HOMER2: variants seen among roughly 807,000 people sequenced by gnomAD.
The protein encoded by HOMER2 is homer scaffold protein 2.
Under a neutral mutation model 47.0 loss-of-function variants are expected in HOMER2, and 27 were observed. The observed-to-expected ratio is 0.57, with a 90% CI of 0.42 to 0.79. HOMER2 has a LOEUF of 0.79. Ranked by LOEUF, HOMER2 falls within the 30% of genes least tolerant of loss-of-function variation. The pLI is 0.00. For missense variants in HOMER2, 443 were observed against 435.0 expected (o/e 1.02, Z -0.16); for synonymous variants, 161 against 163.8 (o/e 0.98, Z 0.13).
intron 1 of HOMER2, among the ~76,000 whole-genome samples, chr15:82,951,242 G>A (rs1381882293): frequency 2.6e-5 from 4 of 152,012 alleles, no homozygotes; most frequent in African/African-American, 7.2e-5. Flanking sequence ...TGCTCATCTC[G>A]CCTCCTCCTC....
Position 82,849,661 on chromosome 15 carries a change from T to C in HOMER2, c.*54A>G. 2 of 1,499,146 alleles carry C rather than the reference T, an allele frequency of 1.3e-6. No homozygotes were observed. Among genetic ancestry groups the C allele is most frequent in the East Asian group, 2.3e-5 (1 of 42,812 alleles). 92.9% of individuals were successfully genotyped at this position (1,499,146 alleles called of 1,614,324 possible). On this transcript the variant is annotated 3_prime_UTR_variant, in exon 9 of 9. Transcript: ENST00000450735. Reference sequence around the variant, plus strand: ...CACAGAAGAACGTCCTAGAGCTATCTGGTCTCGCACACACGCTTGGGACTC... The same window carrying C: ...CACAGAAGAACGTCCTAGAGCTATCCGGTCTCGCACACACGCTTGGGACTC...
At chr15:82,973,152 C>T (rs1237360870) in intron 1 of HOMER2, among the ~76,000 whole-genome samples, 1 of 152,198 alleles carries the variant, frequency 6.6e-6, no homozygotes, top group Non-Finnish European at 1.5e-5. Context: ...AGCAAACAGA[C>T]CTTGCTTCAA....
exon 2 of HOMER2, chr15:82,842,295 T>C (rs2051183643): frequency 6.6e-6 from 1 of 151,866 alleles, no homozygotes; most frequent in African/African-American, 2.4e-5. Context: ...CAAACTTCTT[T>C]TGGAAGGTTT....
At chr15:82,909,314 G>T (rs576561760) in intron 1 of HOMER2, among the ~76,000 whole-genome samples, 5 of 152,288 alleles carry the variant, frequency 3.3e-5, no homozygotes, top group Admixed American at 1.3e-4. Context: ...GAGCACACTC[G>T]ACAAGGGAGG....
At chr15:82,897,778 GGAA>G (rs2052981644) in intron 1 of HOMER2, among the ~76,000 whole-genome samples, 1 of 152,178 alleles carries the variant, frequency 6.6e-6, no homozygotes, top group Admixed American at 6.5e-5. Flanking sequence ...TTGGAGGAAT[GGAA>G]ATTCAGCCAA....
chr15:82,979,202 T>C (rs1376715504), intron 1 of HOMER2, among the ~76,000 whole-genome samples: 1 of 152,162 alleles, frequency 6.6e-6, no homozygotes, highest in Non-Finnish European at 1.5e-5. Context: ...AATTACCTAG[T>C]CTTGGGTATA....
intron 2 of HOMER2, among the ~76,000 whole-genome samples, chr15:82,877,705 A>G (rs2052394574): frequency 1.3e-5 from 2 of 152,140 alleles, no homozygotes; most frequent in South Asian, 4.1e-4. Flanking sequence ...TCCTTTCTTT[A>G]TAATAACCCT....
chr15:82,915,659 C>T (rs2053571373), intron 1 of HOMER2, among the ~76,000 whole-genome samples: 1 of 152,194 alleles, frequency 6.6e-6, no homozygotes, highest in South Asian at 2.1e-4. Context: ...CTGCAGTGAG[C>T]TGCCCTGTCT....
At chr15:82,863,811 A>G (rs1412769750) in intron 4 of HOMER2, among the ~76,000 whole-genome samples, 5 of 152,268 alleles carry the variant, frequency 3.3e-5, no homozygotes, top group African/African-American at 1.2e-4. Context: ...GTCTGACATC[A>G]AGTCTCTCTC....
chr15:82,879,102 T>C (rs1400623702), intron 2 of HOMER2, among the ~76,000 whole-genome samples: 1 of 152,262 alleles, frequency 6.6e-6, no homozygotes, highest in East Asian at 1.9e-4. Flanking sequence ...TGTTATTTTT[T>C]AGTTCTAGAA....
chr15:82,842,461 A>ATTTTTTTTTTTTTTTTTTTT (rs372884842), exon 2 of HOMER2: 8 of 112,794 alleles, frequency 7.1e-5, no homozygotes, highest in Non-Finnish European at 9.0e-5. Flanking sequence ...CAGCCAGCTA[A>ATTTTTTTTTTTTTTTTTTTT]TTTTTTTTTT....
chr15:82,851,334 C>G, intron 7 of HOMER2, 103 bp from the exon 8 acceptor site: 2 of 772,090 alleles, frequency 2.6e-6, no homozygotes, highest in Non-Finnish European at 4.4e-6. Context: ...CTTTGGGACC[C>G]TGTCCTGTTT....
chr15:82,889,818 G>C (rs2052652581), intron 2 of HOMER2, among the ~76,000 whole-genome samples: 1 of 152,102 alleles, frequency 6.6e-6, no homozygotes, highest in African/African-American at 2.4e-5. Context: ...GTCGAGAGAG[G>C]GCCCAGCAGG....
exon 2 of HOMER2, chr15:82,958,248 A>C (rs947744646): frequency 6.6e-6 from 1 of 152,246 alleles, no homozygotes; most frequent in African/African-American, 2.4e-5. Flanking sequence ...CCTGCAGAAG[A>C]CTTCAAAAAG....
chr15:82,961,590 T>G (rs1166600607), intron 1 of HOMER2, among the ~76,000 whole-genome samples: 1 of 152,238 alleles, frequency 6.6e-6, no homozygotes, highest in Non-Finnish European at 1.5e-5. Flanking sequence ...CAGTTGGTTC[T>G]TGGATATACT....
chr15:82,853,730 T>C (rs946397632), intron 6 of HOMER2, among the ~76,000 whole-genome samples: 1 of 152,124 alleles, frequency 6.6e-6, no homozygotes, highest in Non-Finnish European at 1.5e-5. Context: ...CCTTATGAAC[T>C]AGAGTGTGAC....
downstream of HOMER2, chr15:82,836,128 A>G (rs879155085): frequency 3.9e-5 from 6 of 152,136 alleles, no homozygotes; most frequent in South Asian, 2.1e-4. Flanking sequence ...CTGTGCATCA[A>G]CGCTTCCTTT....
At chr15:82,931,410 G>A (rs879764220) in intron 1 of HOMER2, among the ~76,000 whole-genome samples, 24 of 152,154 alleles carry the variant, frequency 1.6e-4, no homozygotes, top group Admixed American at 5.9e-4. Flanking sequence ...AAATTCATGG[G>A]AGAAGCCAAG....
intron 1 of HOMER2, among the ~76,000 whole-genome samples, chr15:82,921,154 G>T (rs1443404029): frequency 6.6e-6 from 1 of 152,102 alleles, no homozygotes; most frequent in Non-Finnish European, 1.5e-5. Flanking sequence ...AAATTAACCA[G>T]GTGTGGTGGC....
Sources: gnomAD v4.1 joint callset for allele counts (sites outside exome capture counted in the v4.1 genomes callset) on GRCh38, gnomAD v4.1.1 for gene constraint, MANE v1.5 for transcripts, NCBI Gene and HGNC (gene_info 2026-07-23, HGNC 2026-07-21) for gene names.